Variants in ZBTB20 observed in about 807,000 individuals in gnomAD.
ZBTB20 encodes zinc finger and BTB domain containing 20.
In ZBTB20, 9 loss-of-function variants were observed where a neutral mutation model predicts 56.9. The ratio of observed to expected loss-of-function variants is 0.16; its 90% CI spans 0.10 to 0.28. The LOEUF is 0.28. Ranked by LOEUF, ZBTB20 falls within the 10% of genes least tolerant of loss-of-function variation. The probability of loss-of-function intolerance (pLI) is 1.00; values close to 1 mark genes in which losing one functional copy is unlikely to be tolerated. For synonymous variants in ZBTB20, 417 were observed against 420.7 expected, an observed-to-expected ratio of 0.99 and a Z score of 0.11; for missense variants, 655 against 1,003.0, an observed-to-expected ratio of 0.65 and a Z score of 4.69.
At chr3:115,081,263 C>CT (rs1364039959) in intron 1 of ZBTB20, among the ~76,000 whole-genome samples, 2 of 152,074 alleles carry the variant, frequency 1.3e-5, no homozygotes, top group African/African-American at 4.8e-5. Context: ...GTAGAACAAA[C>CT]TTTAACAGTT....
rs1220145704 is a variant in ZBTB20, at chr3:114,324,423, C to T, written c.*14582G>A. 1 of 152,166 alleles carries T rather than the reference C, an allele frequency of 6.6e-6. No homozygotes were observed. The highest frequency in any genetic ancestry group is 2.4e-5 in the African/African-American group (1 of 41,456). 9.4% of individuals were successfully genotyped at this position (152,166 alleles called of 1,614,324 possible). A position where few individuals can be genotyped will look rare whatever the true frequency, so the allele number is the denominator to read the frequency against. Reference sequence around the variant, plus strand: ...TACAGGCAGCAGCCACCTAACATAACATAAATAGGTACACTAGGAGCACTC... The same window carrying T: ...TACAGGCAGCAGCCACCTAACATAATATAAATAGGTACACTAGGAGCACTC... On this transcript the variant is annotated 3_prime_UTR_variant, in exon 12 of 12. Coordinates refer to ENST00000675478, the MANE Select transcript of ZBTB20 (RefSeq NM_001348800.3).
At chr3:114,358,339 A>T (rs2081458942) in intron 10 of ZBTB20, among the ~76,000 whole-genome samples, 1 of 152,184 alleles carries the variant, frequency 6.6e-6, no homozygotes, top group Admixed American at 6.5e-5. Flanking sequence ...AGAACTAGAA[A>T]AACATTTGCT....
intron 5 of ZBTB20, among the ~76,000 whole-genome samples, chr3:114,753,319 G>T: frequency 3.0e-5 from 4 of 134,316 alleles, no homozygotes; most frequent in East Asian, 2.1e-4. Flanking sequence ...ATGTATATAT[G>T]TATACCTGTA....
intron 1 of ZBTB20, among the ~76,000 whole-genome samples, chr3:115,114,648 A>G (rs1267031174): frequency 6.6e-6 from 1 of 152,190 alleles, no homozygotes; most frequent in East Asian, 1.9e-4. Context: ...TTTTCAATGT[A>G]TATAGAAACT....
chr3:115,103,278 A>C (rs1029138593), intron 1 of ZBTB20, among the ~76,000 whole-genome samples: 1 of 152,224 alleles, frequency 6.6e-6, no homozygotes, highest in Non-Finnish European at 1.5e-5. Context: ...TTCTGTCCCA[A>C]ATTGATCTAT....
intron 2 of ZBTB20, among the ~76,000 whole-genome samples, chr3:115,055,578 TGTTTCTTCACCGTTACAATGA>T (rs146060329): frequency 0.03 from 4,629 of 152,260 alleles, 85 homozygotes; most frequent in South Asian, 0.039. Flanking sequence ...CTACTGAATC[TGTTTCTTCACCGTTACAATGA>T]GATAATAGAG....
chr3:114,507,790 C>G (rs542541866), intron 6 of ZBTB20, among the ~76,000 whole-genome samples: 1 of 152,036 alleles, frequency 6.6e-6, no homozygotes, highest in East Asian at 1.9e-4. Context: ...AAAAATTATA[C>G]AGAATCACAA....
intron 8 of ZBTB20, among the ~76,000 whole-genome samples, chr3:114,386,444 C>T (rs1038325211): frequency 6.6e-6 from 1 of 151,984 alleles, no homozygotes; most frequent in Non-Finnish European, 1.5e-5. Context: ...GTTAAGGGAC[C>T]TCAAGAGAGA....
chr3:114,609,355 G>T (rs1357801962), intron 6 of ZBTB20, among the ~76,000 whole-genome samples: 1 of 152,114 alleles, frequency 6.6e-6, no homozygotes, highest in Non-Finnish European at 1.5e-5. Flanking sequence ...AAGAATATTC[G>T]TTAATTTTGG....
At chr3:115,110,743 C>T (rs1183592873) in intron 1 of ZBTB20, among the ~76,000 whole-genome samples, 1 of 152,116 alleles carries the variant, frequency 6.6e-6, no homozygotes, top group Non-Finnish European at 1.5e-5. Flanking sequence ...AATCCCAGCA[C>T]TTTGGGAGGC....
At chr3:114,806,414 A>ATC (rs1223412561) in intron 4 of ZBTB20, among the ~76,000 whole-genome samples, 1 of 151,950 alleles carries the variant, frequency 6.6e-6, no homozygotes, top group Non-Finnish European at 1.5e-5. Context: ...GAATTGTCAA[A>ATC]TATTTTGCCC....
At chr3:114,685,758 C>T (rs1243086992) in intron 6 of ZBTB20, among the ~76,000 whole-genome samples, 1 of 152,050 alleles carries the variant, frequency 6.6e-6, no homozygotes, top group African/African-American at 2.4e-5. Context: ...TAAGCTCTGT[C>T]AGTAGTGAGA....
At chr3:114,910,386 T>C (rs1331818061) in intron 3 of ZBTB20, among the ~76,000 whole-genome samples, 1 of 151,730 alleles carries the variant, frequency 6.6e-6, no homozygotes, top group Admixed American at 6.6e-5. Flanking sequence ...TAAAAATCTG[T>C]TGAGGTCTAT....
chr3:114,466,259 ATTG>A (rs2092547972), intron 7 of ZBTB20, among the ~76,000 whole-genome samples: 1 of 152,218 alleles, frequency 6.6e-6, no homozygotes, highest in African/African-American at 2.4e-5. Context: ...GCCTAATATT[ATTG>A]TAAGCACTTC....
At chr3:114,672,884 C>T (rs1010098817) in intron 6 of ZBTB20, among the ~76,000 whole-genome samples, 2 of 152,046 alleles carry the variant, frequency 1.3e-5, no homozygotes, top group Non-Finnish European at 2.9e-5. Flanking sequence ...CATCACGTGA[C>T]TCAAAATCAA....
At chr3:114,686,364 C>G (rs1368447317) in intron 6 of ZBTB20, among the ~76,000 whole-genome samples, 1 of 152,070 alleles carries the variant, frequency 6.6e-6, no homozygotes, top group Non-Finnish European at 1.5e-5. Context: ...CTAGGGAAGC[C>G]TAGGAAATCC....
intron 3 of ZBTB20, among the ~76,000 whole-genome samples, chr3:114,911,796 T>C (rs1448327373): frequency 6.6e-6 from 1 of 151,752 alleles, no homozygotes; most frequent in African/African-American, 2.4e-5. Context: ...TGTACAAAAA[T>C]ATGAATTAGG....
intron 2 of ZBTB20, among the ~76,000 whole-genome samples, chr3:115,063,642 T>C (rs1191739820): frequency 7.5e-6 from 1 of 133,782 alleles, no homozygotes; most frequent in Admixed American, 8.3e-5. Context: ...TTTCTCATTA[T>C]TGTCAAAGCA....
intron 6 of ZBTB20, among the ~76,000 whole-genome samples, chr3:114,525,260 A>C (rs922787760): frequency 1.3e-5 from 2 of 152,168 alleles, no homozygotes; most frequent in Non-Finnish European, 2.9e-5. Context: ...CTCAATAAAT[A>C]CTTTCAGGAT....
Sources: gnomAD v4.1 joint callset for allele counts (sites outside exome capture counted in the v4.1 genomes callset) on GRCh38, gnomAD v4.1.1 for gene constraint, MANE v1.5 for transcripts, NCBI Gene and HGNC (gene_info 2026-07-23, HGNC 2026-07-21) for gene names.